The following PALLD variants were observed in gnomAD, a reference collection of about 807,000 sequenced individuals.
PALLD encodes palladin.
A neutral mutation model predicts 123.5 loss-of-function variants in PALLD; 61 were observed. The observed-to-expected ratio is 0.49, with a 90% CI of 0.40 to 0.61. The LOEUF is 0.61. Ranked by LOEUF, PALLD falls within the 20% of genes least tolerant of loss-of-function variation. The probability of loss-of-function intolerance (pLI) is 0.00; values close to 1 mark genes in which losing one functional copy is unlikely to be tolerated. For missense variants in PALLD, 1,273 were observed against 1,377.0 expected, an observed-to-expected ratio of 0.92 and a Z score of 1.20; for synonymous variants, 465 against 496.4, an observed-to-expected ratio of 0.94 and a Z score of 0.84.
chr4:168,746,119 G>A (rs1730256376), intron 10 of PALLD, among the ~76,000 whole-genome samples: 1 of 152,008 alleles, frequency 6.6e-6, no homozygotes, highest in Non-Finnish European at 1.5e-5. Context: ...TCACAACCTT[G>A]AATCAGAATC....
At chr4:168,701,203 A>G (rs1783639707) in intron 8 of PALLD, among the ~76,000 whole-genome samples, 1 of 152,264 alleles carries the variant, frequency 6.6e-6, no homozygotes, top group African/African-American at 2.4e-5. Context: ...GAGAGTGCCA[A>G]GTACTCCAGG....
intron 2 of PALLD, chr4:168,598,472 T>A: frequency 1.7e-6 from 1 of 584,482 alleles, no homozygotes; most frequent in Non-Finnish European, 3.3e-6. Flanking sequence ...TGCAAAGGTG[T>A]TAGCAGAGAG....
At chr4:168,845,949 A>G (rs1746781093) in intron 10 of PALLD, among the ~76,000 whole-genome samples, 1 of 152,242 alleles carries the variant, frequency 6.6e-6, no homozygotes, top group African/African-American at 2.4e-5. Flanking sequence ...TCTCAGAGGT[A>G]TCACAGATTT....
chr4:168,821,470 G>C (rs547496905), intron 10 of PALLD, among the ~76,000 whole-genome samples: 84 of 152,044 alleles, frequency 5.5e-4, no homozygotes, highest in Non-Finnish European at 1.1e-3. Context: ...TGTGTATGCA[G>C]ATATGGGTAT....
intron 4 of PALLD, 91 bp from the exon 5 acceptor site, chr4:168,682,907 C>T (rs1339605630): frequency 2.7e-6 from 2 of 735,532 alleles, no homozygotes; most frequent in Admixed American, 2.4e-5. Flanking sequence ...TCTGTTGAAA[C>T]GTTTCAAGGA....
chr4:168,781,236 T>C (rs561075872), intron 10 of PALLD, among the ~76,000 whole-genome samples: 6 of 152,366 alleles, frequency 3.9e-5, no homozygotes, highest in African/African-American at 2.4e-5. Flanking sequence ...ACTTTGGCTA[T>C]GTATACACCA....
intron 10 of PALLD, among the ~76,000 whole-genome samples, chr4:168,799,181 T>C (rs938978648): frequency 2.6e-5 from 4 of 152,216 alleles, no homozygotes; most frequent in African/African-American, 9.6e-5. Flanking sequence ...GGTTGAGGTA[T>C]GGCTGCTGGG....
chr4:168,500,186 G>A (rs1343127933), intron 1 of PALLD, among the ~76,000 whole-genome samples: 1 of 152,300 alleles, frequency 6.6e-6, no homozygotes, highest in Admixed American at 6.5e-5. Flanking sequence ...CTTCCAAGCT[G>A]TTATGTAGGA....
At chr4:168,506,369 TTCTC>T (rs10689129) in intron 1 of PALLD, among the ~76,000 whole-genome samples, 199 of 151,274 alleles carry the variant, frequency 1.3e-3, no homozygotes, top group African/African-American at 4.6e-3. Context: ...AATCTCATGT[TTCTC>T]TCTCTCTCCC....
chr4:168,735,535 A>G (rs141004833), intron 10 of PALLD, among the ~76,000 whole-genome samples: 1 of 152,120 alleles, frequency 6.6e-6, no homozygotes, highest in African/African-American at 2.4e-5. Flanking sequence ...TTATGTTGCA[A>G]CCTGAGGCAG....
At chr4:168,658,285 G>GTTTTTTTTTTTTT (rs66527351) in intron 2 of PALLD, among the ~76,000 whole-genome samples, 4 of 131,646 alleles carry the variant, frequency 3.0e-5, no homozygotes, top group African/African-American at 6.0e-5. Context: ...TTTTTATTTG[G>GTTTTTTTTTTTTT]TTTTTTTTTT....
rs553270770 is a variant in PALLD at position 168,539,589 on chromosome 4, A to C, written c.908+27177A>C. ...AATAAAAATAAATAAATAAATAAAT[A>C]AATAAATAAATAAATAAATAAATAA... On this transcript the variant is annotated intron_variant, in intron 2 of 21. Transcript: ENST00000505667. Among the ~76,000 whole-genome samples, 685 of 150,144 alleles carry C rather than the reference A, an allele frequency of 4.6e-3. 5 individuals are homozygous for C. The highest frequency in any genetic ancestry group is 0.01 in the African/African-American group (418 of 40,940).
Position 168,924,281 on chromosome 4 carries a change from TTTA to T in PALLD, c.3088_3090del (p.Ile1030del). On this transcript the variant is annotated inframe_deletion, in exon 19 of 22. Transcript: ENST00000505667. The stretch of plus-strand genomic sequence containing the variant: ...TAAAGAAGCACACAAACCCCCTGTG[TTTA>T]TTGAGAAGCTCCAAAACACAGGAGT... The T allele has an allele frequency of 1.2e-6, 2 of 1,613,990 alleles. No individual in the cohort carries two copies.
At chr4:168,593,165 T>C (rs1260569258) in intron 2 of PALLD, among the ~76,000 whole-genome samples, 5 of 152,124 alleles carry the variant, frequency 3.3e-5, no homozygotes, top group Non-Finnish European at 7.4e-5. Flanking sequence ...ATGATGATAT[T>C]CTTTTAAATG....
Position 168,844,134 on chromosome 4 carries a change from T to C in PALLD, c.1965-46788T>C, listed in dbSNP as rs922198308. ...AAAGTCACGTATCTGGTTGTGCAAA[T>C]CAAAGAGCTTTGACAGTTTGTTTTT... is the stretch of plus-strand genomic sequence containing the variant. On this transcript the variant is annotated intron_variant, in intron 10 of 21. Coordinates refer to ENST00000505667, the MANE Select transcript of PALLD (RefSeq NM_001166108.2). The surrounding 1 kb of genome is among the most constrained non-coding windows in gnomAD (Gnocchi z 4.5). The C allele has an allele frequency of 1.3e-5, 2 of 152,318 alleles. No homozygotes were observed. The highest frequency in any genetic ancestry group is 3.4e-3 in the Middle Eastern group (1 of 294). The allele number at this position is 152,318 out of a possible 1,614,324, so 9.4% of individuals were successfully genotyped here.
At chr4:168,527,371 G>A (rs532966581) in intron 2 of PALLD, among the ~76,000 whole-genome samples, 114 of 134,658 alleles carry the variant, frequency 8.5e-4, no homozygotes, top group African/African-American at 3.0e-3. Context: ...GTGGTGAGCT[G>A]AGATCGCGCC....
Position 168,802,576 on chromosome 4 carries a change from G to A in PALLD, c.1965-88346G>A, listed in dbSNP as rs1039934699. On this transcript the variant is annotated intron_variant, in intron 10 of 21. Transcript: ENST00000505667. ...AAAATAGACACTGCAGACGACTAGA[G>A]TTGGTGCGGGGAGGACATGGGTTGA... Among the ~76,000 whole-genome samples, 3 of 152,312 alleles carry A rather than the reference G, an allele frequency of 2.0e-5. No homozygotes were observed. The East Asian group carries it at 5.8e-4, about 29-fold the overall frequency.
chr4:168,911,355 C>T (rs1221845310), intron 15 of PALLD, among the ~76,000 whole-genome samples: 2 of 152,142 alleles, frequency 1.3e-5, no homozygotes, highest in African/African-American at 2.4e-5. Context: ...TTCATTTTAA[C>T]TTACCATGGA....
chr4:168,606,483 G>A (rs1014948857), intron 2 of PALLD, among the ~76,000 whole-genome samples: 2 of 151,924 alleles, frequency 1.3e-5, no homozygotes, highest in Non-Finnish European at 2.9e-5. Flanking sequence ...GACCATCCTG[G>A]CTAACACGGT....
Sources: allele counts gnomAD v4.1 joint callset (sites outside exome capture counted in the v4.1 genomes callset), GRCh38; gene constraint gnomAD v4.1.1; non-coding constraint Gnocchi (gnomAD v3.1); transcripts MANE v1.5; gene names NCBI Gene and HGNC (gene_info 2026-07-23, HGNC 2026-07-21).